The following RASAL2 variants were observed in gnomAD, a reference collection of about 807,000 sequenced individuals.
RASAL2 encodes the protein ras GTPase-activating protein nGAP.
In RASAL2, 58 loss-of-function variants were observed where a neutral mutation model predicts 128.9. The ratio of observed to expected loss-of-function variants is 0.45; its 90% confidence interval spans 0.36 to 0.56. The LOEUF (loss-of-function observed/expected upper bound fraction) is 0.56, where lower values mean the gene tolerates loss of function less well. Ranked by LOEUF, RASAL2 falls within the 20% of genes least tolerant of loss-of-function variation. RASAL2 has a pLI of 0.00. For missense variants in RASAL2, 1,360 were observed against 1,601.6 expected (o/e 0.85, Z 2.57); for synonymous variants, 561 against 580.8 (o/e 0.97, Z 0.49).
At chr1:178,389,031 A>T (rs1672743941) in intron 3 of RASAL2, among the ~76,000 whole-genome samples, 2 of 152,192 alleles carry the variant, frequency 1.3e-5, no homozygotes, top group Non-Finnish European at 2.9e-5. Context: ...CTCTCTCTTA[A>T]GTGGAAGTAG....
chr1:178,239,978 G>A (rs543217148), intron 1 of RASAL2, among the ~76,000 whole-genome samples: 2 of 151,910 alleles, frequency 1.3e-5, no homozygotes, highest in Non-Finnish European at 2.9e-5. Flanking sequence ...TTTTAACATT[G>A]TGGTGCCTTG....
chr1:178,306,394 G>A (rs1469004866), intron 3 of RASAL2, among the ~76,000 whole-genome samples: 3 of 152,104 alleles, frequency 2.0e-5, no homozygotes, highest in Non-Finnish European at 2.9e-5. Flanking sequence ...ATGATTTATA[G>A]TCCTTTGGGT....
rs541089439 is a variant in RASAL2 at position 178,222,288 on chromosome 1, G to A, written c.203-61276G>A. ...ATATCTACCATATTACTTCCTATTT[G>A]TATTCATTGCCTTTGTTCTTTTTTC... On this transcript the variant is annotated intron_variant, in intron 1 of 17. Coordinates refer to ENST00000367649, the MANE Select transcript of RASAL2 (RefSeq NM_170692.4). Among the ~76,000 whole-genome samples the A allele has an allele frequency of 1.1e-3, 164 of 152,096 alleles. 1 individual carries two copies. The highest frequency in any genetic ancestry group is 3.7e-3 in the African/African-American group (154 of 41,532).
chr1:178,149,724 G>A (rs868442973), intron 1 of RASAL2, among the ~76,000 whole-genome samples: 3 of 151,726 alleles, frequency 2.0e-5, no homozygotes, highest in Non-Finnish European at 4.4e-5. Flanking sequence ...TCCTTCTACC[G>A]CCTTTCTAGA....
intron 3 of RASAL2, among the ~76,000 whole-genome samples, chr1:178,380,881 A>G (rs367735338): frequency 2.0e-5 from 3 of 152,324 alleles, no homozygotes; most frequent in African/African-American, 7.2e-5. Context: ...TTAGTTTGGT[A>G]CCCAAAACTA....
At chr1:178,168,790 T>TA in intron 1 of RASAL2, among the ~76,000 whole-genome samples, 1 of 152,244 alleles carries the variant, frequency 6.6e-6, no homozygotes, top group South Asian at 2.1e-4. Context: ...TAGCCACTCT[T>TA]ATTCCTGTTC....
chr1:178,118,868 T>C (rs1039432227), intron 1 of RASAL2, among the ~76,000 whole-genome samples: 20 of 151,662 alleles, frequency 1.3e-4, no homozygotes, highest in South Asian at 2.1e-4. Flanking sequence ...TTTTTTTTTT[T>C]TGTTTGTTTG....
intron 5 of RASAL2, among the ~76,000 whole-genome samples, chr1:178,429,906 CT>C (rs1557982797): frequency 6.6e-6 from 1 of 152,188 alleles, no homozygotes; most frequent in Non-Finnish European, 1.5e-5. Context: ...TCCCTCCCTT[CT>C]TTTTGGTATT....
At chr1:178,320,156 G>C (rs1310454788) in intron 3 of RASAL2, among the ~76,000 whole-genome samples, 10 of 151,932 alleles carry the variant, frequency 6.6e-5, no homozygotes, top group African/African-American at 2.4e-4. Context: ...CCGGTTCTCA[G>C]ATCTCCAGCT....
chr1:178,440,183 TC>T (rs1676538428), intron 6 of RASAL2, among the ~76,000 whole-genome samples: 1 of 151,998 alleles, frequency 6.6e-6, no homozygotes, highest in Non-Finnish European at 1.5e-5. Flanking sequence ...CAAGTAAAAT[TC>T]AAAAACTATA....
intron 1 of RASAL2, among the ~76,000 whole-genome samples, chr1:178,155,922 A>G (rs914215370): frequency 7.2e-5 from 11 of 152,220 alleles, no homozygotes; most frequent in African/African-American, 2.7e-4. Context: ...TTGAGTTTAT[A>G]GTTTCCAGAA....
rs141547571 is a variant in RASAL2 at position 178,245,785 on chromosome 1, C to T, written c.203-37779C>T. Among the ~76,000 whole-genome samples the T allele has an allele frequency of 8.4e-3, 1,282 of 152,212 alleles. 14 individuals are homozygous for T. The highest frequency in any genetic ancestry group is 0.026 in the African/African-American group (1,099 of 41,532). On this transcript the variant is annotated intron_variant, in intron 1 of 17. Transcript: ENST00000367649. ...GGGTCCAGTTTCTGTTTTCTGCATA[C>T]GGCTAGCCAGTTTTCCCAGCACCAT...
chr1:178,279,804 A>G (rs750301790), intron 1 of RASAL2, among the ~76,000 whole-genome samples: 29 of 152,320 alleles, frequency 1.9e-4, no homozygotes, highest in South Asian at 1.9e-3. Context: ...TTGCATCTGC[A>G]ACTTTGAGCT....
intron 12 of RASAL2, 181 bp from the exon 13 acceptor site, chr1:178,456,540 C>T: frequency 2.9e-6 from 2 of 699,566 alleles, no homozygotes; most frequent in East Asian, 2.5e-5. Context: ...CCATTCATCT[C>T]GACGCCATGG....
chr1:178,405,557 T>C (rs1396597716), intron 4 of RASAL2, among the ~76,000 whole-genome samples: 1 of 152,212 alleles, frequency 6.6e-6, no homozygotes, highest in East Asian at 1.9e-4. Flanking sequence ...CATTGCTGGC[T>C]TTGAAGATGG....
intron 1 of RASAL2, among the ~76,000 whole-genome samples, chr1:178,197,674 G>A (rs972968184): frequency 2.7e-5 from 4 of 150,648 alleles, no homozygotes; most frequent in African/African-American, 9.8e-5. Flanking sequence ...TTTTATTTCT[G>A]CCTATTTATT....
At chr1:178,271,017 A>G (rs1287207606) in intron 1 of RASAL2, among the ~76,000 whole-genome samples, 1 of 152,130 alleles carries the variant, frequency 6.6e-6, no homozygotes, top group African/African-American at 2.4e-5. Context: ...TTTGTCCACC[A>G]TTTATTTTAC....
intron 4 of RASAL2, among the ~76,000 whole-genome samples, chr1:178,397,034 A>C (rs1054599043): frequency 1.3e-5 from 2 of 152,220 alleles, no homozygotes; most frequent in African/African-American, 4.8e-5. Context: ...AATGTGGAGA[A>C]ATTGGAATGT....
intron 1 of RASAL2, among the ~76,000 whole-genome samples, chr1:178,214,947 CTGTT>C (rs539248629): frequency 6.6e-6 from 1 of 152,310 alleles, no homozygotes; most frequent in Admixed American, 6.5e-5. Flanking sequence ...GACATATTAA[CTGTT>C]TGCATCGTGA....
Sources: allele counts gnomAD v4.1 joint callset (sites outside exome capture counted in the v4.1 genomes callset), GRCh38; gene constraint gnomAD v4.1.1; transcripts MANE v1.5; gene names NCBI Gene and HGNC (gene_info 2026-07-23, HGNC 2026-07-21).